Variants in ARHGAP20 observed in about 807,000 individuals in gnomAD.
The protein encoded by ARHGAP20 is rho GTPase-activating protein 20.
Under a neutral mutation model 73.7 loss-of-function variants are expected in ARHGAP20, and 34 were observed. The observed-to-expected ratio is 0.46, with a 90% CI of 0.35 to 0.61. ARHGAP20 has a LOEUF of 0.61. Among genes scored for constraint, ARHGAP20 ranks in the 20% least tolerant of loss-of-function variants. ARHGAP20 has a pLI of 0.00. For synonymous variants in ARHGAP20, 523 were observed against 518.2 expected, an observed-to-expected ratio of 1.01 and a Z score of -0.13; for missense variants, 1,314 against 1,420.9, an observed-to-expected ratio of 0.92 and a Z score of 1.21.
At chr11:110,635,956 G>A (rs1948958508) in intron 2 of ARHGAP20, among the ~76,000 whole-genome samples, 1 of 152,006 alleles carries the variant, frequency 6.6e-6, no homozygotes, top group Non-Finnish European at 1.5e-5. Flanking sequence ...GGGAAAGAAT[G>A]GCTAAAATAA....
intron 8 of ARHGAP20, among the ~76,000 whole-genome samples, chr11:110,608,183 G>A (rs1033708058): frequency 3.9e-5 from 6 of 152,158 alleles, no homozygotes; most frequent in Admixed American, 6.5e-5. Context: ...TGCTCTGCAC[G>A]ATGTCTGGCA....
At chr11:110,590,367 C>T (rs1194749750) in intron 11 of ARHGAP20, among the ~76,000 whole-genome samples, 1 of 152,042 alleles carries the variant, frequency 6.6e-6, no homozygotes, top group Non-Finnish European at 1.5e-5. Context: ...TTTAAACTTA[C>T]AATTTTTATT....
intron 2 of ARHGAP20, among the ~76,000 whole-genome samples, chr11:110,667,107 T>C (rs780337900): frequency 2.0e-4 from 30 of 152,242 alleles, no homozygotes; most frequent in Non-Finnish European, 3.7e-4. Context: ...GCAAGTTATC[T>C]AGAAAATCTA....
intron 2 of ARHGAP20, among the ~76,000 whole-genome samples, chr11:110,653,271 C>G (rs1002920448): frequency 2.6e-5 from 4 of 152,140 alleles, no homozygotes; most frequent in African/African-American, 9.7e-5. Flanking sequence ...AAACCATAAT[C>G]AGAGTGAACA....
intron 2 of ARHGAP20, among the ~76,000 whole-genome samples, chr11:110,661,313 C>T (rs1949606814): frequency 6.6e-6 from 1 of 151,956 alleles, no homozygotes; most frequent in African/African-American, 2.4e-5. Context: ...GGGGAAAAAA[C>T]ACAGTGGGGG....
rs1947310488 is a variant in ARHGAP20, at chr11:110,577,301, C to T, written c.*2069G>A. On this transcript the variant is annotated 3_prime_UTR_variant, in exon 15 of 15. Coordinates refer to ENST00000683387, the MANE Select transcript of ARHGAP20 (RefSeq NM_001384657.1). ...TATAATAAAATGACATATAGTCTGTCTTCAAATCATACAATATAATACTTT... is the reference window on the plus strand; with the variant it reads ...TATAATAAAATGACATATAGTCTGTTTTCAAATCATACAATATAATACTTT... 1 of 1,361,794 alleles carries T rather than the reference C, an allele frequency of 7.3e-7. No individual in the cohort carries two copies. Among genetic ancestry groups the T allele is most frequent in the Non-Finnish European group, 9.5e-7 (1 of 1,056,512 alleles). The allele number at this position is 1,361,794 out of a possible 1,614,324, so 84.4% of individuals were successfully genotyped here. A position where few individuals can be genotyped will look rare whatever the true frequency, so the allele number is the denominator to read the frequency against.
intron 13 of ARHGAP20, among the ~76,000 whole-genome samples, chr11:110,583,087 C>T (rs2134786081): frequency 6.6e-6 from 1 of 152,282 alleles, no homozygotes; most frequent in Non-Finnish European, 1.5e-5. Flanking sequence ...AACTGATATC[C>T]CCACACCCCT....
At chr11:110,625,472 T>C (rs1206436098) in intron 3 of ARHGAP20, among the ~76,000 whole-genome samples, 1 of 152,124 alleles carries the variant, frequency 6.6e-6, no homozygotes, top group Admixed American at 6.5e-5. Context: ...GAAGCATAGG[T>C]TATTTTAAAT....
chr11:110,598,927 G>A (rs961373351), intron 9 of ARHGAP20, among the ~76,000 whole-genome samples: 1 of 151,468 alleles, frequency 6.6e-6, no homozygotes, highest in Non-Finnish European at 1.5e-5. Context: ...CATCTGAGTT[G>A]TGGTTGCAGG....
intron 3 of ARHGAP20, among the ~76,000 whole-genome samples, chr11:110,626,214 T>C (rs867498051): frequency 6.6e-6 from 1 of 152,206 alleles, no homozygotes; most frequent in East Asian, 1.9e-4. Context: ...TGTTTTCACA[T>C]ATTTTGTATT....
chr11:110,654,829 C>A (rs1949430174), intron 2 of ARHGAP20, among the ~76,000 whole-genome samples: 1 of 152,166 alleles, frequency 6.6e-6, no homozygotes, highest in African/African-American at 2.4e-5. Flanking sequence ...AGTGCTCAAC[C>A]AATTCTATCA....
intron 1 of ARHGAP20, among the ~76,000 whole-genome samples, chr11:110,694,143 T>C (rs906541241): frequency 2.6e-5 from 4 of 151,866 alleles, no homozygotes; most frequent in Non-Finnish European, 5.9e-5. Context: ...ATAAGAATTT[T>C]ATGTGAGCTA....
chr11:110,705,534 G>A (rs746113849), intron 1 of ARHGAP20, among the ~76,000 whole-genome samples: 14 of 152,070 alleles, frequency 9.2e-5, no homozygotes, highest in Non-Finnish European at 1.8e-4. Context: ...TTTTACACAT[G>A]TATAAGAAGA....
intron 4 of ARHGAP20, among the ~76,000 whole-genome samples, chr11:110,616,652 G>A (rs1319482466): frequency 6.6e-6 from 1 of 150,560 alleles, no homozygotes; most frequent in Non-Finnish European, 1.5e-5. Flanking sequence ...CAATCTCCCA[G>A]GATTTGTCAT....
chr11:110,630,910 C>A, intron 2 of ARHGAP20, 118 bp from the exon 3 acceptor site: 1 of 948,258 alleles, frequency 1.1e-6, no homozygotes, highest in East Asian at 2.5e-5. Flanking sequence ...GGTCATGAGT[C>A]TATTCACCAC....
chr11:110,628,249 A>T (rs1217710933), intron 3 of ARHGAP20, among the ~76,000 whole-genome samples: 1 of 152,210 alleles, frequency 6.6e-6, no homozygotes, highest in Non-Finnish European at 1.5e-5. Flanking sequence ...ATGGCTCAGT[A>T]AGAGACTTAA....
At chr11:110,679,922 T>C (rs1273618516) in intron 2 of ARHGAP20, among the ~76,000 whole-genome samples, 1 of 152,200 alleles carries the variant, frequency 6.6e-6, no homozygotes, top group Admixed American at 6.5e-5. Context: ...CATTTCTTTC[T>C]GTGGCTTTTC....
chr11:110,626,166 C>T (rs1328523673), intron 3 of ARHGAP20, among the ~76,000 whole-genome samples: 1 of 152,144 alleles, frequency 6.6e-6, no homozygotes, highest in Admixed American at 6.5e-5. Flanking sequence ...ACTGTTAAAA[C>T]TACACATTTT....
chr11:110,579,029 G>A lies in ARHGAP20; in HGVS notation c.*341C>T. 9.0e-6 allele frequency: 9 copies of A among 1,001,510 alleles called. No individual in the cohort carries two copies. Among genetic ancestry groups the A allele is most frequent in the Non-Finnish European group, 1.1e-5 (9 of 838,974 alleles). The allele number at this position is 1,001,510 out of a possible 1,614,324, so 62.0% of individuals were successfully genotyped here. A position where few individuals can be genotyped will look rare whatever the true frequency, so the allele number is the denominator to read the frequency against. ...CCTATTCCTCATTCCTGATATCTTG[G>A]TCTTCTCAGGACATCAATCTCACAG... On this transcript the variant is annotated 3_prime_UTR_variant, in exon 15 of 15. Coordinates refer to ENST00000683387, the MANE Select transcript of ARHGAP20 (RefSeq NM_001384657.1).
Sources: allele counts gnomAD v4.1 joint callset (sites outside exome capture counted in the v4.1 genomes callset), GRCh38; gene constraint gnomAD v4.1.1; transcripts MANE v1.5; gene names NCBI Gene and HGNC (gene_info 2026-07-23, HGNC 2026-07-21).